ZNF704: variants seen among roughly 807,000 people sequenced by gnomAD.
ZNF704 encodes zinc finger protein 704, also known as glucocorticoid induced gene 1.
ZNF704 carries 10 observed loss-of-function variants against 44.7 expected under a neutral mutation model. That is an observed-to-expected ratio of 0.22 (90% CI 0.14 to 0.38). ZNF704 has a LOEUF of 0.38. ZNF704 is among the 10% of genes least tolerant of loss of function. ZNF704 has a pLI of 1.00. For missense variants in ZNF704, 390 were observed against 545.5 expected, an observed-to-expected ratio of 0.71 and a Z score of 2.84; for synonymous variants, 211 against 207.6, an observed-to-expected ratio of 1.02 and a Z score of -0.14.
chr8:80,711,790 A>G (rs1181317566), intron 2 of ZNF704, among the ~76,000 whole-genome samples: 1 of 152,220 alleles, frequency 6.6e-6, no homozygotes, highest in East Asian at 1.9e-4. Context: ...TGATTCATCT[A>G]TTATAATTTT....
chr8:80,832,616 A>AT (rs1488594881), intron 1 of ZNF704, among the ~76,000 whole-genome samples: 2 of 152,326 alleles, frequency 1.3e-5, no homozygotes, highest in African/African-American at 4.8e-5. Flanking sequence ...TCCAGGAATA[A>AT]TCTGAAAACA....
the ZNF704 span, among the ~76,000 whole-genome samples, chr8:80,882,159 A>C: frequency 6.6e-6 from 1 of 152,216 alleles, no homozygotes; most frequent in Non-Finnish European, 1.5e-5. Flanking sequence ...TCAGTTGGTC[A>C]AATAGCATGC....
intron 2 of ZNF704, among the ~76,000 whole-genome samples, chr8:80,757,082 G>A (rs888337607): frequency 1.3e-5 from 2 of 152,180 alleles, no homozygotes; most frequent in African/African-American, 4.8e-5. Flanking sequence ...TTGTTTCAGA[G>A]TACAGTCCTT....
At chr8:80,670,473 G>T (rs374615637) in intron 5 of ZNF704, 30 bp downstream of exon 5, 1 of 1,536,350 alleles carries the variant, frequency 6.5e-7, no homozygotes, top group Admixed American at 1.7e-5. Context: ...GCAGATGGGG[G>T]CTGCATCCCT....
In ZNF704 at chr8:80,641,435, C is replaced by T. The variant is rs773841662; in HGVS notation, c.1170G>A (p.Gly390=). Residue 390 remains glycine (G), a synonymous_variant, in exon 9 of 9, where the codon GGG becomes GGA. Transcript: ENST00000327835. ...TACACCACATGTCTCGGTTCTCCAT[C>T]CCGTACACCTTCCGACACTTTTTGC... The part of the protein sequence containing the change: ...GEGKKCRKVY[G]MENRDMWCTA... The T allele has an allele frequency of 3.1e-6, 5 of 1,613,738 alleles. No homozygotes were observed. Among genetic ancestry groups the T allele is most frequent in the African/African-American group, 2.7e-5 (2 of 75,000 alleles).
chr8:80,856,681 C>T (rs1410172707), intron 1 of ZNF704, among the ~76,000 whole-genome samples: 1 of 152,012 alleles, frequency 6.6e-6, no homozygotes, highest in Non-Finnish European at 1.5e-5. Flanking sequence ...TCTGTTGGGT[C>T]TATTTTGGGG....
chr8:80,723,310 A>T (rs1349371389), intron 2 of ZNF704, among the ~76,000 whole-genome samples: 3 of 152,188 alleles, frequency 2.0e-5, no homozygotes, highest in Non-Finnish European at 4.4e-5. Flanking sequence ...TGTTGTGTTG[A>T]TCAAATATCC....
In ZNF704 at chr8:80,634,982, T is replaced by C. The variant is rs1030127540; in HGVS notation, c.*6384A>G. On this transcript the variant is annotated 3_prime_UTR_variant, in exon 9 of 9. Transcript: ENST00000327835. ...CTGTACATGGCTTTCCCTAACTCTG[T>C]GCATTTCTAGTCCTCAAGTGTGCAG... 3.9e-5 allele frequency: 6 copies of C among 152,202 alleles called. No homozygotes were observed. The highest frequency in any genetic ancestry group is 8.8e-5 in the Non-Finnish European group (6 of 68,038). 9.4% of individuals were successfully genotyped at this position (152,202 alleles called of 1,614,324 possible).
At chr8:80,794,341 C>T (rs941751424) in intron 2 of ZNF704, among the ~76,000 whole-genome samples, 2 of 152,096 alleles carry the variant, frequency 1.3e-5, no homozygotes, top group African/African-American at 2.4e-5. Context: ...ATATAGTAAT[C>T]ATTCACAGTT....
intron 2 of ZNF704, among the ~76,000 whole-genome samples, chr8:80,712,745 C>T (rs1006550108): frequency 2.0e-5 from 3 of 151,824 alleles, no homozygotes; most frequent in Non-Finnish European, 4.4e-5. Flanking sequence ...ACCAGTGAGC[C>T]GAGATCGTGC....
At chr8:80,704,036 T>C (rs868637705) in intron 2 of ZNF704, among the ~76,000 whole-genome samples, 16 of 152,226 alleles carry the variant, frequency 1.1e-4, no homozygotes, top group African/African-American at 3.9e-4. Flanking sequence ...CTAAAAATTG[T>C]TGGCTTATCT....
intron 4 of ZNF704, among the ~76,000 whole-genome samples, chr8:80,676,044 C>T (rs1190820195): frequency 6.6e-6 from 1 of 152,092 alleles, no homozygotes; most frequent in African/African-American, 2.4e-5. Flanking sequence ...AAGAAAGTGT[C>T]TTAGGAAGGA....
intron 2 of ZNF704, among the ~76,000 whole-genome samples, chr8:80,693,638 G>A (rs2131637919): frequency 6.6e-6 from 1 of 152,296 alleles, no homozygotes; most frequent in South Asian, 2.1e-4. Context: ...GGGAGAGTCT[G>A]TCCTGAGGGG....
At chr8:80,844,489 T>C (rs948036124) in intron 1 of ZNF704, among the ~76,000 whole-genome samples, 2 of 152,078 alleles carry the variant, frequency 1.3e-5, no homozygotes, top group African/African-American at 4.8e-5. Context: ...TACCTCCTAA[T>C]ACCATCACAC....
At chr8:80,683,384 C>T (rs574621190) in intron 4 of ZNF704, among the ~76,000 whole-genome samples, 2 of 152,172 alleles carry the variant, frequency 1.3e-5, no homozygotes, top group African/African-American at 2.4e-5. Context: ...GTAAGCTCTC[C>T]GGCAGACAGC....
intron 2 of ZNF704, among the ~76,000 whole-genome samples, chr8:80,705,452 T>A (rs1057025884): frequency 6.6e-6 from 1 of 151,814 alleles, no homozygotes; most frequent in Non-Finnish European, 1.5e-5. Flanking sequence ...CCTGGGTGTG[T>A]GTCTCTCTCT....
At chr8:80,714,098 C>A (rs900548707) in intron 2 of ZNF704, among the ~76,000 whole-genome samples, 3 of 152,174 alleles carry the variant, frequency 2.0e-5, no homozygotes, top group Non-Finnish European at 4.4e-5. Context: ...CCGTAACAAG[C>A]GCGATCTTGC....
intron 1 of ZNF704, among the ~76,000 whole-genome samples, chr8:80,858,575 A>T (rs1809002689): frequency 6.6e-6 from 1 of 152,166 alleles, no homozygotes; most frequent in African/African-American, 2.4e-5. Flanking sequence ...TCTACCAAAA[A>T]TACAAAAATT....
chr8:80,659,489 G>A, intron 7 of ZNF704, 96 bp downstream of exon 7: 2 of 935,834 alleles, frequency 2.1e-6, no homozygotes, highest in Admixed American at 3.5e-5. Flanking sequence ...GCATTCTGAT[G>A]TTTGTATTTT....
Sources: allele counts gnomAD v4.1 joint callset (sites outside exome capture counted in the v4.1 genomes callset), GRCh38; gene constraint gnomAD v4.1.1; transcripts MANE v1.5; gene names NCBI Gene and HGNC (gene_info 2026-07-23, HGNC 2026-07-21).